Variants in MAPDA observed in about 807,000 individuals in gnomAD.
The protein encoded by MAPDA is N6-Methyl-AMP deaminase.
At chr15:43,340,184 A>G in the MAPDA span, 1 of 1,218,290 alleles carries the variant, frequency 8.2e-7, no homozygotes, top group East Asian at 2.4e-5. Context: ...AATGAATAAA[A>G]TAAAGCTGTA....
the MAPDA span, among the ~76,000 whole-genome samples, chr15:43,342,445 TTAAA>T: frequency 6.8e-6 from 1 of 147,902 alleles, no homozygotes; most frequent in African/African-American, 2.5e-5. Context: ...AATATCCCTT[TTAAA>T]AAAAAAAAAA....
At chr15:43,349,139 A>C in the MAPDA span, 1 of 1,568,808 alleles carries the variant, frequency 6.4e-7, no homozygotes, top group Non-Finnish European at 8.6e-7. Flanking sequence ...CTGTTCTAAA[A>C]GTACGAATGT....
the MAPDA span, among the ~76,000 whole-genome samples, chr15:43,333,624 T>C: frequency 6.6e-6 from 1 of 152,256 alleles, no homozygotes; most frequent in African/African-American, 2.4e-5. Flanking sequence ...TGTTTAGTCC[T>C]ATACAAACTA....
the MAPDA span, among the ~76,000 whole-genome samples, chr15:43,334,724 C>T: frequency 9.9e-5 from 14 of 141,410 alleles, no homozygotes; most frequent in Admixed American, 9.8e-4. Flanking sequence ...TAGAAGGTGC[C>T]AATAGTTAAG....
At chr15:43,336,665 T>C in the MAPDA span, 15 of 1,564,378 alleles carry the variant, frequency 9.6e-6, no homozygotes, top group East Asian at 3.3e-4. Flanking sequence ...AGCTTACTAG[T>C]AGCCCTGAAG....
At chr15:43,334,388 G>C in the MAPDA span, among the ~76,000 whole-genome samples, 1 of 151,598 alleles carries the variant, frequency 6.6e-6, no homozygotes, top group Admixed American at 6.6e-5. Context: ...AGCACTTTGG[G>C]AGGCTGAGGC....
the MAPDA span, among the ~76,000 whole-genome samples, chr15:43,344,115 A>G: frequency 7.2e-5 from 11 of 152,038 alleles, no homozygotes; most frequent in African/African-American, 1.9e-4. Flanking sequence ...GGGGGGAAAA[A>G]CCTCTCTAAA....
At chr15:43,348,220 C>A in the MAPDA span, among the ~76,000 whole-genome samples, 1 of 152,164 alleles carries the variant, frequency 6.6e-6, no homozygotes, top group Non-Finnish European at 1.5e-5. Context: ...CATAGCCAGC[C>A]TTGTCAGAAT....
At chr15:43,337,133 G>T in the MAPDA span, among the ~76,000 whole-genome samples, 1 of 151,174 alleles carries the variant, frequency 6.6e-6, no homozygotes, top group Non-Finnish European at 1.5e-5. Context: ...AAAATTAGCC[G>T]GGCATGGTGG....
the MAPDA span, chr15:43,342,847 C>A: frequency 1.9e-6 from 1 of 513,306 alleles, no homozygotes; most frequent in Non-Finnish European, 3.4e-6. Context: ...TAAAATATAC[C>A]CATAAGGGCC....
the MAPDA span, among the ~76,000 whole-genome samples, chr15:43,342,097 C>T: frequency 2.6e-5 from 4 of 152,126 alleles, no homozygotes; most frequent in East Asian, 7.7e-4. Flanking sequence ...CCTCGGCCTC[C>T]GAAACTGATG....
the MAPDA span, chr15:43,346,987 G>A: frequency 6.3e-7 from 1 of 1,577,760 alleles, no homozygotes; most frequent in Admixed American, 1.7e-5. Flanking sequence ...GAATTCTCAT[G>A]CATCCTTATT....
chr15:43,337,482 T>C, the MAPDA span, among the ~76,000 whole-genome samples: 1 of 152,198 alleles, frequency 6.6e-6, no homozygotes, highest in Non-Finnish European at 1.5e-5. Context: ...CACTGTGTTC[T>C]CTTATCTGAA....
chr15:43,331,590 G>A, the MAPDA span, among the ~76,000 whole-genome samples: 1 of 152,284 alleles, frequency 6.6e-6, no homozygotes, highest in South Asian at 2.1e-4. Flanking sequence ...AAAAAGTTTC[G>A]TATTTTCCAA....
At chr15:43,336,774 C>A in the MAPDA span, 1 of 1,073,630 alleles carries the variant, frequency 9.3e-7, no homozygotes, top group Non-Finnish European at 1.3e-6. Context: ...TTTTTGCTCT[C>A]ATTAAGAGTG....
the MAPDA span, chr15:43,330,642 C>T: frequency 2.3e-6 from 2 of 867,986 alleles, no homozygotes; most frequent in African/African-American, 1.8e-5. Flanking sequence ...CCGGGAAGAG[C>T]GCATCTCGCC....
chr15:43,346,540 TG>T, the MAPDA span, among the ~76,000 whole-genome samples: 2 of 152,218 alleles, frequency 1.3e-5, no homozygotes, highest in Admixed American at 6.5e-5. Flanking sequence ...AAGTGTCCCC[TG>T]GGGGGCAGAA....
the MAPDA span, chr15:43,336,681 C>CT: frequency 6.5e-7 from 1 of 1,548,166 alleles, no homozygotes; most frequent in Non-Finnish European, 8.6e-7. Context: ...TGAAGATATT[C>CT]TAATGGTAAG....
At chr15:43,330,568 G>T in the MAPDA span, 1 of 1,456,282 alleles carries the variant, frequency 6.9e-7, no homozygotes, top group Middle Eastern at 2.5e-4. Context: ...ACGGACCTCG[G>T]TAGGGGGAAA....
Sources: gnomAD v4.1 joint callset for allele counts (sites outside exome capture counted in the v4.1 genomes callset) on GRCh38, gnomAD v4.1.1 for gene constraint, MANE v1.5 for transcripts, NCBI Gene and HGNC (gene_info 2026-07-23, HGNC 2026-07-21) for gene names.